The following OSGIN2 variants were observed in gnomAD, a reference collection of about 807,000 sequenced individuals.
OSGIN2 encodes oxidative stress induced growth inhibitor family member 2.
In OSGIN2, 19 loss-of-function variants were observed where a neutral mutation model predicts 53.8. The observed-to-expected ratio is 0.35, with a 90% CI of 0.25 to 0.52. The LOEUF (loss-of-function observed/expected upper bound fraction) is 0.52. Among genes scored for constraint, OSGIN2 ranks in the 20% least tolerant of loss-of-function variants. The pLI is 0.95. For synonymous variants in OSGIN2, 236 were observed against 236.0 expected, an observed-to-expected ratio of 1.00 and a Z score of 0.00; for missense variants, 520 against 662.7, an observed-to-expected ratio of 0.78 and a Z score of 2.36.
chr8:89,910,625 T>C (rs1412080680), intron 2 of OSGIN2, among the ~76,000 whole-genome samples: 1 of 152,218 alleles, frequency 6.6e-6, no homozygotes, highest in Non-Finnish European at 1.5e-5. Flanking sequence ...TTTGTAATAG[T>C]TCTCAACCAA....
chr8:89,919,088 T>A (rs987479486), intron 4 of OSGIN2, among the ~76,000 whole-genome samples: 4 of 152,210 alleles, frequency 2.6e-5, no homozygotes, highest in South Asian at 2.1e-4. Flanking sequence ...GACTTCGTAA[T>A]GTATCTCACC....
intron 4 of OSGIN2, among the ~76,000 whole-genome samples, chr8:89,919,270 A>G (rs1809147750): frequency 6.6e-6 from 1 of 152,214 alleles, no homozygotes; most frequent in Non-Finnish European, 1.5e-5. Flanking sequence ...AAATTTTACT[A>G]TAGTGAAAGG....
Position 89,925,343 on chromosome 8 carries a change from T to G in OSGIN2, c.1461T>G (p.Pro487=). The G allele has an allele frequency of 6.2e-7, 1 of 1,614,158 alleles. No individual in the cohort carries two copies. Among genetic ancestry groups the G allele is most frequent in the Non-Finnish European group, 8.5e-7 (1 of 1,179,972 alleles). The part of the protein sequence containing the change: ...SSQPITCKGN[P]VEIDTYTYEC... The stretch of plus-strand genomic sequence containing the variant: ...AGCCAATCACATGTAAGGGTAATCC[T>G]GTGGAAATAGATACATATACCTATG... Residue 487 remains proline (P), a synonymous_variant, in exon 6 of 6, where the codon CCT becomes CCG. Transcript: ENST00000451899.
chr8:89,913,134 A>G (rs2284134), intron 2 of OSGIN2, among the ~76,000 whole-genome samples: 31,752 of 152,218 alleles, frequency 0.21, 3,494 homozygotes, highest in East Asian at 0.26. Flanking sequence ...TCAGCAGTAA[A>G]GGATTATAGA....
At chr8:89,902,554 C>T (rs1417919878), upstream of OSGIN2, 1 of 153,264 alleles carries the variant, frequency 6.5e-6, no homozygotes, top group South Asian at 2.1e-4. Context: ...TATCGCGGCG[C>T]CCCGAGATCA....
chr8:89,924,369 A>T, intron 5 of OSGIN2, 134 bp from the exon 6 acceptor site: 1 of 584,786 alleles, frequency 1.7e-6, no homozygotes, highest in African/African-American at 1.9e-5. Flanking sequence ...TTTTTTTTTA[A>T]GTGTTAGGAT....
In OSGIN2 at chr8:89,925,202, C is replaced by T. The variant is rs1020297223; in HGVS notation, c.1320C>T (p.Ser440=). ...CGGACATGAAATGTGTTCTCCAAAG[C>T]GTTTCTGGATTGAAGAAAATATTTA... ...FKSDMKCVLQ[S]VSGLKKIFKL... The change falls in exon 6 of 6, where the codon AGC becomes AGT. Residue 440 remains serine, a synonymous_variant. Coordinates refer to ENST00000451899, the MANE Select transcript of OSGIN2 (RefSeq NM_001126111.3). 8.7e-6 allele frequency: 14 copies of T among 1,613,886 alleles called. No homozygotes were observed. The Admixed American group carries it at 1.7e-4, about 19-fold the overall frequency.
chr8:89,919,867 C>T (rs144588729), intron 4 of OSGIN2, among the ~76,000 whole-genome samples: 1 of 152,304 alleles, frequency 6.6e-6, no homozygotes, highest in East Asian at 1.9e-4. Context: ...CTGCATACTT[C>T]TATTTAGTTT....
chr8:89,914,493 A>G (rs1719406208), intron 3 of OSGIN2, 62 bp from the exon 4 acceptor site: 2 of 1,276,380 alleles, frequency 1.6e-6, no homozygotes, highest in Non-Finnish European at 2.2e-6. Flanking sequence ...GGTAAGCATT[A>G]GAATATACTA....
At chr8:89,908,567 C>G (rs1042285579) in intron 1 of OSGIN2, among the ~76,000 whole-genome samples, 1 of 152,034 alleles carries the variant, frequency 6.6e-6, no homozygotes, top group African/African-American at 2.4e-5. Context: ...ACACACTTAC[C>G]CACTAGTAGA....
At chr8:89,910,374 G>A (rs1436630888) in intron 2 of OSGIN2, among the ~76,000 whole-genome samples, 1 of 151,962 alleles carries the variant, frequency 6.6e-6, no homozygotes, top group Non-Finnish European at 1.5e-5. Flanking sequence ...ATACAAAGTC[G>A]AGGAATTCAG....
chr8:89,912,564 G>A (rs1003550477), intron 2 of OSGIN2, among the ~76,000 whole-genome samples: 16 of 152,040 alleles, frequency 1.1e-4, no homozygotes, highest in African/African-American at 3.1e-4. Flanking sequence ...TGGCCAACAC[G>A]CTGAAACCCC....
intron 1 of OSGIN2, among the ~76,000 whole-genome samples, chr8:89,909,263 T>C (rs1808916212): frequency 6.6e-6 from 1 of 151,728 alleles, no homozygotes; most frequent in Non-Finnish European, 1.5e-5. Context: ...TTTCAGAGAA[T>C]TATGAACTCC....
chr8:89,914,873 T>C (rs561856435), intron 4 of OSGIN2, 127 bp downstream of exon 4: 17 of 741,418 alleles, frequency 2.3e-5, no homozygotes, highest in Non-Finnish European at 3.7e-5. Flanking sequence ...AGAAGAACTT[T>C]AATGCTGTTC....
In OSGIN2 at chr8:89,909,707, C is replaced by T. The variant is rs759065298; in HGVS notation, c.185C>T (p.Pro62Leu). ...SLLEDSSVTFPVVIIGNGPSG... is the reference protein window; with the variant it reads ...SLLEDSSVTFLVVIIGNGPSG... ...CTGGAAGATTCGTCAGTGACTTTTC[C>T]TGTGGTAATAATAGGTAAGTTATTG... The change falls in exon 2 of 6, where the codon CCT becomes CTT. Residue 62 changes from proline to leucine, a missense_variant. By Grantham distance (98) the Pro-to-Leu change is moderately conservative. Around this residue, in one of 3 missense-constraint regions of OSGIN2, gnomAD observed 203 missense variants for 275.3 expected, o/e 0.74. Transcript: ENST00000451899. 6.2e-7 allele frequency: 1 copy of T among 1,603,948 alleles called. No individual in the cohort carries two copies. Among genetic ancestry groups the T allele is most frequent in the Non-Finnish European group, 8.5e-7 (1 of 1,172,812 alleles).
At position 89,927,425 on chromosome 8, in the gene OSGIN2, ATAAC is replaced by A. The variant is rs1183515261; in HGVS notation, c.*1894_*1897del. On this transcript the variant is annotated 3_prime_UTR_variant, in exon 6 of 6. Coordinates refer to ENST00000451899, the MANE Select transcript of OSGIN2 (RefSeq NM_001126111.3). Reference sequence around the variant, plus strand: ...CAATCCAAGCTGTCCTGTGTAGTATATAACATTTGGGCATTTTCTCTGATATACT... The same window carrying A: ...CAATCCAAGCTGTCCTGTGTAGTATAATTTGGGCATTTTCTCTGATATACT... The A allele has an allele frequency of 6.6e-6, 1 of 152,164 alleles. No homozygotes were observed. The highest frequency in any genetic ancestry group is 2.4e-5 in the African/African-American group (1 of 41,440). 9.4% of individuals were successfully genotyped at this position (152,164 alleles called of 1,614,324 possible).
Position 89,924,845 on chromosome 8 carries a change from T to C in OSGIN2, c.963T>C (p.Asp321=). Residue 321 remains aspartate (D), a synonymous_variant, in exon 6 of 6, where the codon GAT becomes GAC. Coordinates refer to ENST00000451899, the MANE Select transcript of OSGIN2 (RefSeq NM_001126111.3). ...CCCATCTGGAAATTGAAGGGGAAGA[T>C]TTTCCTTTTGTGTTTCATTCAATGC... ...SPAHLEIEGE[D]FPFVFHSMPE... The C allele has an allele frequency of 6.2e-7, 1 of 1,614,170 alleles. No homozygotes were observed. Among genetic ancestry groups the C allele is most frequent in the Non-Finnish European group, 8.5e-7 (1 of 1,180,016 alleles).
chr8:89,913,233 TTGGGAAGGAC>T (rs1416117056), intron 2 of OSGIN2, among the ~76,000 whole-genome samples: 1 of 152,158 alleles, frequency 6.6e-6, no homozygotes, highest in Non-Finnish European at 1.5e-5. Context: ...CGGTTTAATT[TTGGGAAGGAC>T]TGTTACCATC....
intron 4 of OSGIN2, among the ~76,000 whole-genome samples, chr8:89,918,070 C>T (rs1208366527): frequency 6.6e-6 from 1 of 152,194 alleles, no homozygotes; most frequent in South Asian, 2.1e-4. Context: ...TGCTCCTTAG[C>T]TTACTCACTC....
Sources: gnomAD v4.1 joint callset for allele counts (sites outside exome capture counted in the v4.1 genomes callset) on GRCh38, gnomAD v4.1.1 for gene constraint, gnomAD v4.1.1 regional missense constraint, MANE v1.5 for transcripts, NCBI Gene and HGNC (gene_info 2026-07-23, HGNC 2026-07-21) for gene names.